Variants in NCKAP5 observed in about 807,000 individuals in gnomAD.
NCKAP5 encodes NCK associated protein 5.
Under a neutral mutation model 167.0 loss-of-function variants are expected in NCKAP5, and 92 were observed. The observed-to-expected ratio is 0.55, with a 90% CI of 0.47 to 0.66. The LOEUF is 0.66. Among genes scored for constraint, NCKAP5 ranks in the 30% least tolerant of loss-of-function variants. The pLI is 0.00. For missense variants in NCKAP5, 2,378 were observed against 2,315.0 expected (o/e 1.03, Z -0.56); for synonymous variants, 891 against 877.4 (o/e 1.02, Z -0.27).
At chr2:133,390,299 T>G (rs1559444948) in intron 3 of NCKAP5, among the ~76,000 whole-genome samples, 1 of 152,174 alleles carries the variant, frequency 6.6e-6, no homozygotes. Context: ...TATTTTAGCC[T>G]CTGGGAGTCT....
chr2:133,514,885 G>T (rs1683848922), intron 3 of NCKAP5, among the ~76,000 whole-genome samples: 1 of 152,026 alleles, frequency 6.6e-6, no homozygotes, highest in Admixed American at 6.6e-5. Flanking sequence ...TCTGCAAAGT[G>T]AGGAGACGAG....
At position 133,116,254 on chromosome 2, in the gene NCKAP5, G is replaced by A. The variant is rs962377763; in HGVS notation, c.341+13724C>T. ...TGTAATCCCAGCACTTTGGGAGGCC[G>A]AGGCGGGCGGATCACGAGGTCAGGA... On this transcript the variant is annotated intron_variant, in intron 6 of 19. Coordinates refer to ENST00000409261, the MANE Select transcript of NCKAP5 (RefSeq NM_207363.3). Among the ~76,000 whole-genome samples the A allele has an allele frequency of 7.0e-5, 6 of 86,126 alleles. 1 individual carries two copies. Among genetic ancestry groups the A allele is most frequent in the African/African-American group, 1.9e-4 (3 of 15,604 alleles). 56.5% of individuals were successfully genotyped at this position (86,126 alleles called of 152,430 possible). A position where few individuals can be genotyped will look rare whatever the true frequency, so the allele number is the denominator to read the frequency against.
chr2:133,110,707 G>A (rs779600949), intron 6 of NCKAP5, among the ~76,000 whole-genome samples: 5 of 152,234 alleles, frequency 3.3e-5, no homozygotes, highest in East Asian at 1.9e-4. Context: ...CCAAGGAAGC[G>A]TGCCACATAT....
intron 6 of NCKAP5, among the ~76,000 whole-genome samples, chr2:133,023,169 T>C (rs979679263): frequency 6.6e-6 from 1 of 152,118 alleles, no homozygotes; most frequent in Non-Finnish European, 1.5e-5. Context: ...GTGTGTTTTG[T>C]TTGAGGGTAA....
At chr2:133,041,890 T>C (rs1397840326) in intron 6 of NCKAP5, among the ~76,000 whole-genome samples, 1 of 152,212 alleles carries the variant, frequency 6.6e-6, no homozygotes, top group East Asian at 1.9e-4. Flanking sequence ...TTAAATTTTG[T>C]TAGAATTATT....
At position 132,868,966 on chromosome 2, in the gene NCKAP5, G is replaced by A. The variant is rs376932881; in HGVS notation, c.657C>T (p.Asn219=). ...QYERCLDEVA[N]QVVQALLTQK... ...GAGTAAGCAGAGCTTGAACAACTTG[G>A]TTGGCTACCTTTAAAAAATAAAGAA... Residue 219 remains asparagine (N), a synonymous_variant, in exon 10 of 20, where the codon AAC becomes AAT. Coordinates refer to ENST00000409261, the MANE Select transcript of NCKAP5 (RefSeq NM_207363.3). 2.3e-4 allele frequency: 359 copies of A among 1,545,182 alleles called. 2 individuals are homozygous for A. Among genetic ancestry groups the A allele is most frequent in the Admixed American group, 1.4e-3 (70 of 49,886 alleles).
At chr2:133,638,119 T>A in the NCKAP5 span, among the ~76,000 whole-genome samples, 1 of 152,138 alleles carries the variant, frequency 6.6e-6, no homozygotes, top group Non-Finnish European at 1.5e-5. Context: ...AAGAATGAAG[T>A]CAAGGAGGTA....
At chr2:132,716,239 G>A (rs900357456) in intron 19 of NCKAP5, among the ~76,000 whole-genome samples, 1 of 152,116 alleles carries the variant, frequency 6.6e-6, no homozygotes, top group East Asian at 1.9e-4. Flanking sequence ...ATGCTCATGG[G>A]GCTGCAGAAA....
intron 6 of NCKAP5, among the ~76,000 whole-genome samples, chr2:133,085,652 T>C (rs2149609385): frequency 6.6e-6 from 1 of 152,254 alleles, no homozygotes; most frequent in Non-Finnish European, 1.5e-5. Flanking sequence ...ATATGGCCTG[T>C]ATAAGTGATG....
At chr2:132,936,620 T>A (rs181499956) in intron 8 of NCKAP5, among the ~76,000 whole-genome samples, 136 of 152,312 alleles carry the variant, frequency 8.9e-4, no homozygotes, top group African/African-American at 3.2e-3. Flanking sequence ...TCAAGAAAAA[T>A]TCTTTAGACT....
chr2:133,520,845 T>C (rs1217618813), intron 2 of NCKAP5, among the ~76,000 whole-genome samples: 2 of 152,150 alleles, frequency 1.3e-5, no homozygotes, highest in African/African-American at 4.8e-5. Context: ...GGTTGGCCAA[T>C]CATAAACGTA....
At chr2:133,178,816 C>T (rs2150025082) in intron 5 of NCKAP5, among the ~76,000 whole-genome samples, 1 of 107,246 alleles carries the variant, frequency 9.3e-6, no homozygotes, top group African/African-American at 3.8e-5. Flanking sequence ...CAGAGCAAGG[C>T]AAGACTCCGT....
chr2:133,035,142 G>A (rs1233765167), intron 6 of NCKAP5, among the ~76,000 whole-genome samples: 3 of 151,888 alleles, frequency 2.0e-5, no homozygotes, highest in South Asian at 4.1e-4. Flanking sequence ...CATATTTTAA[G>A]ACAAAAACTT....
At chr2:132,976,157 T>C (rs2076971287) in intron 7 of NCKAP5, among the ~76,000 whole-genome samples, 1 of 152,124 alleles carries the variant, frequency 6.6e-6, no homozygotes, top group Non-Finnish European at 1.5e-5. Context: ...TGATCTCAAC[T>C]ACCTATGGAA....
chr2:133,541,363 G>T (rs183536358), intron 2 of NCKAP5, among the ~76,000 whole-genome samples: 22 of 151,938 alleles, frequency 1.4e-4, no homozygotes, highest in African/African-American at 4.8e-4. Flanking sequence ...ACATAAATGA[G>T]AACAAAACAT....
chr2:133,017,169 C>A (rs2149380099), intron 6 of NCKAP5, among the ~76,000 whole-genome samples: 1 of 152,342 alleles, frequency 6.6e-6, no homozygotes, highest in African/African-American at 2.4e-5. Flanking sequence ...ACAAAACCAT[C>A]TGCTAATGTC....
chr2:132,689,515 G>T (rs1686441412), intron 19 of NCKAP5, among the ~76,000 whole-genome samples: 1 of 152,162 alleles, frequency 6.6e-6, no homozygotes, highest in Non-Finnish European at 1.5e-5. Context: ...TACTGTAGTT[G>T]AGTGTGAGGC....
At chr2:132,816,798 G>A (rs570412059) in intron 11 of NCKAP5, among the ~76,000 whole-genome samples, 127 of 152,212 alleles carry the variant, frequency 8.3e-4, no homozygotes, top group African/African-American at 2.9e-3. Flanking sequence ...ATCAATGAAG[G>A]TATATAAAAT....
rs564341993 is a variant in NCKAP5, at chr2:133,450,027, C to A, written c.69+67431G>T. ...AGTTGCACAAGGCCTTGTTGCAAGG[C>A]AGCAAAGATGTACCTACCAGAAACA... is the stretch of plus-strand genomic sequence containing the variant. On this transcript the variant is annotated intron_variant, in intron 3 of 19. Coordinates refer to ENST00000409261, the MANE Select transcript of NCKAP5 (RefSeq NM_207363.3). 2.0e-5 allele frequency among the ~76,000 whole-genome samples: 3 copies of A among 152,182 alleles called. 1 individual carries two copies. Among genetic ancestry groups the A allele is most frequent in the South Asian group, 4.2e-4 (2 of 4,816 alleles).
Sources: gnomAD v4.1 joint callset for allele counts (sites outside exome capture counted in the v4.1 genomes callset) on GRCh38, gnomAD v4.1.1 for gene constraint, MANE v1.5 for transcripts, NCBI Gene and HGNC (gene_info 2026-07-23, HGNC 2026-07-21) for gene names.